The following ANKRD12 variants were observed in gnomAD, a reference collection of about 807,000 sequenced individuals.
ANKRD12 encodes the protein ankyrin repeat domain 12.
A neutral mutation model predicts 183.4 loss-of-function variants in ANKRD12; 85 were observed. That is an observed-to-expected ratio of 0.46 (90% CI 0.39 to 0.56). ANKRD12 has a LOEUF of 0.56. Ranked by LOEUF, ANKRD12 falls within the 20% of genes least tolerant of loss-of-function variation. The pLI, the probability that ANKRD12 is intolerant of heterozygous loss-of-function variation, is 0.00. For missense variants in ANKRD12, 2,405 were observed against 2,357.1 expected (o/e 1.02, Z -0.42); for synonymous variants, 914 against 800.2 (o/e 1.14, Z -2.40).
chr18:9,141,228 G>A (rs2078304268), intron 1 of ANKRD12, among the ~76,000 whole-genome samples: 1 of 151,998 alleles, frequency 6.6e-6, no homozygotes, highest in African/African-American at 2.4e-5. Context: ...GGTGGTGGTG[G>A]TGGTGGTTTT....
rs757614601 is a variant in ANKRD12 at position 9,281,142 on chromosome 18, G to A, written c.*16G>A. ...TCCTATATAGCAGTCAGTACTTCCT[G>A]ATGGTATTGTCCTAAACTGGTGATG... On this transcript the variant is annotated 3_prime_UTR_variant, in exon 13 of 13. Coordinates refer to ENST00000262126, the MANE Select transcript of ANKRD12 (RefSeq NM_015208.5). The A allele has an allele frequency of 3.1e-6, 5 of 1,605,872 alleles. No homozygotes were observed. The highest frequency in any genetic ancestry group is 4.3e-6 in the Non-Finnish European group (5 of 1,174,998).
At position 9,256,675 on chromosome 18, in the gene ANKRD12, A is replaced by G. The variant is rs1235339228; in HGVS notation, c.3408A>G (p.Lys1136=). 2 of 1,604,614 alleles carry G rather than the reference A, an allele frequency of 1.2e-6. No individual in the cohort carries two copies. The highest frequency in any genetic ancestry group is 3.5e-5 in the Admixed American group (2 of 57,548). Residue 1136 remains lysine (K), a synonymous_variant, in exon 9 of 13, where the codon AAA becomes AAG. Transcript: ENST00000262126. The stretch of plus-strand genomic sequence containing the variant: ...ATACACCAACTGAATCCAAAAATAA[A>G]GAACTTACTAGGTCAAAGAGTTCAG... The part of the protein sequence containing the change: ...TKHTPTESKN[K]ELTRSKSSEV...
chr18:9,278,171 TTGGTGACTTA>T (rs2039943665), intron 11 of ANKRD12, among the ~76,000 whole-genome samples: 1 of 152,226 alleles, frequency 6.6e-6, no homozygotes, highest in Admixed American at 6.5e-5. Flanking sequence ...TTCTGCATTT[TTGGTGACTTA>T]TTTAAATATG....
At chr18:9,166,433 T>C (rs2032073792) in intron 1 of ANKRD12, among the ~76,000 whole-genome samples, 1 of 152,208 alleles carries the variant, frequency 6.6e-6, no homozygotes, top group South Asian at 2.1e-4. Context: ...TGAGATGGTA[T>C]CTCATTGTGG....
chr18:9,191,323 A>G (rs940479330), intron 2 of ANKRD12, among the ~76,000 whole-genome samples: 2 of 152,250 alleles, frequency 1.3e-5, no homozygotes, highest in African/African-American at 4.8e-5. Context: ...CTTTTGAAAG[A>G]AAAGAAACCC....
At chr18:9,230,477 T>G (rs1265232846) in intron 8 of ANKRD12, among the ~76,000 whole-genome samples, 2 of 152,166 alleles carry the variant, frequency 1.3e-5, no homozygotes, top group Non-Finnish European at 2.9e-5. Context: ...CTGTGATCTT[T>G]ATTATTTCTT....
At chr18:9,149,063 T>A (rs902857892) in intron 1 of ANKRD12, among the ~76,000 whole-genome samples, 2 of 152,082 alleles carry the variant, frequency 1.3e-5, no homozygotes, top group Non-Finnish European at 2.9e-5. Context: ...TCCTCAACAC[T>A]CTATTTTAGT....
chr18:9,214,287 C>T (rs975568674), intron 6 of ANKRD12, among the ~76,000 whole-genome samples: 10 of 152,048 alleles, frequency 6.6e-5, no homozygotes, highest in African/African-American at 2.2e-4. Context: ...CAGACATAGG[C>T]TATACATAGC....
chr18:9,155,882 T>G (rs1164238786), intron 1 of ANKRD12, among the ~76,000 whole-genome samples: 1 of 152,146 alleles, frequency 6.6e-6, no homozygotes, highest in Non-Finnish European at 1.5e-5. Flanking sequence ...TGTAGAAATT[T>G]TAAATTTTTA....
intron 8 of ANKRD12, among the ~76,000 whole-genome samples, chr18:9,244,856 A>G (rs1244086010): frequency 6.6e-6 from 1 of 152,182 alleles, no homozygotes; most frequent in Admixed American, 6.5e-5. Flanking sequence ...TTTCCAAGTT[A>G]ATTAAGTCAG....
At chr18:9,154,536 A>G (rs2030097175) in intron 1 of ANKRD12, among the ~76,000 whole-genome samples, 1 of 152,216 alleles carries the variant, frequency 6.6e-6, no homozygotes, top group South Asian at 2.1e-4. Flanking sequence ...CAGCCTGGGC[A>G]ACATAGTGAA....
At chr18:9,155,344 C>T (rs531647935) in intron 1 of ANKRD12, among the ~76,000 whole-genome samples, 5 of 152,116 alleles carry the variant, frequency 3.3e-5, no homozygotes, top group Admixed American at 6.6e-5. Flanking sequence ...GATAAAAATG[C>T]GCCATAATTT....
Position 9,256,764 on chromosome 18 carries a change from C to G in ANKRD12, c.3497C>G (p.Ser1166Cys), listed in dbSNP as rs750331134. ...PKDAVSNRSQ[S>C]VDTKNVMTLG... is the part of the protein sequence containing the mutation. ...GATGCTGTAAGTAACAGATCACAATCTGTTGACACCAAAAATGTAATGACT... is the reference window on the plus strand; with the variant it reads ...GATGCTGTAAGTAACAGATCACAATGTGTTGACACCAAAAATGTAATGACT... The change falls in exon 9 of 13, where the codon TCT becomes TGT. Residue 1166 changes from serine to cysteine, a missense_variant. Physicochemically the swap from Ser to Cys is moderately radical, Grantham distance 112. Around this residue, in one of 7 missense-constraint regions of ANKRD12, gnomAD observed 1,983 missense variants for 1,725.9 expected, o/e 1.15. Transcript: ENST00000262126. 85 of 1,613,736 alleles carry G rather than the reference C, an allele frequency of 5.3e-5. No individual in the cohort carries two copies. Among genetic ancestry groups the G allele is most frequent in the Non-Finnish European group, 7.0e-5 (83 of 1,179,922 alleles).
rs953775812 is a variant in ANKRD12, at chr18:9,282,021, C to A, written c.*895C>A. Reference sequence around the variant, plus strand: ...GACATATTATTTAGACTTAGTCATACAAAGAAACTTAGCTCTTTTTTCATC... The same window carrying A: ...GACATATTATTTAGACTTAGTCATAAAAAGAAACTTAGCTCTTTTTTCATC... On this transcript the variant is annotated 3_prime_UTR_variant, in exon 13 of 13. Coordinates refer to ENST00000262126, the MANE Select transcript of ANKRD12 (RefSeq NM_015208.5). 1 of 152,528 alleles carries A rather than the reference C, an allele frequency of 6.6e-6. No homozygotes were observed. Among genetic ancestry groups the A allele is most frequent in the African/African-American group, 2.4e-5 (1 of 41,420 alleles). 9.4% of individuals were successfully genotyped at this position (152,528 alleles called of 1,614,324 possible).
intron 1 of ANKRD12, among the ~76,000 whole-genome samples, chr18:9,172,601 A>C (rs552443540): frequency 6.6e-6 from 1 of 152,176 alleles, no homozygotes; most frequent in African/African-American, 2.4e-5. Context: ...TAAACTGGCT[A>C]TACTGCTTAG....
chr18:9,190,613 G>T (rs1185165867), intron 2 of ANKRD12, among the ~76,000 whole-genome samples: 2 of 152,086 alleles, frequency 1.3e-5, no homozygotes, highest in Admixed American at 6.5e-5. Context: ...CTTCATTGTT[G>T]TCTTAAGAAA....
chr18:9,249,242 T>G (rs1027409423), intron 8 of ANKRD12, among the ~76,000 whole-genome samples: 2 of 152,178 alleles, frequency 1.3e-5, no homozygotes, highest in Non-Finnish European at 2.9e-5. Context: ...TAAATGGGTC[T>G]TCTTTTCCCT....
chr18:9,273,697 T>C (rs1451563648), intron 10 of ANKRD12, among the ~76,000 whole-genome samples: 1 of 152,180 alleles, frequency 6.6e-6, no homozygotes, highest in East Asian at 1.9e-4. Context: ...TAGCAGCATT[T>C]TTCATATTAG....
At chr18:9,270,425 A>C (rs1220583615) in intron 10 of ANKRD12, among the ~76,000 whole-genome samples, 1 of 152,236 alleles carries the variant, frequency 6.6e-6, no homozygotes, top group Non-Finnish European at 1.5e-5. Flanking sequence ...GTGCAATACT[A>C]TGCAGCCATA....
Sources: allele counts gnomAD v4.1 joint callset (sites outside exome capture counted in the v4.1 genomes callset), GRCh38; gene constraint gnomAD v4.1.1; regional missense constraint gnomAD v4.1.1; transcripts MANE v1.5; gene names NCBI Gene and HGNC (gene_info 2026-07-23, HGNC 2026-07-21).